PCA3: variants seen among roughly 807,000 people sequenced by gnomAD.
The protein encoded by PCA3 is prostate cancer associated 3, also known as Differential Display code 3.
chr9:76,775,470 T>C (rs557672454), intron 2 of PCA3, among the ~76,000 whole-genome samples: 1 of 134,750 alleles, frequency 7.4e-6, no homozygotes. Context: ...CTAATTTTTG[T>C]GGTTTTTTTT....
At chr9:76,779,232 CTTTT>C (rs5898506) in intron 2 of PCA3, among the ~76,000 whole-genome samples, 5 of 144,850 alleles carry the variant, frequency 3.5e-5, no homozygotes, top group African/African-American at 1.3e-4. Context: ...AAAACTTAGA[CTTTT>C]TTTTTTTTTT....
At chr9:76,767,619 ACCTT>A (rs1175232554) in intron 2 of PCA3, among the ~76,000 whole-genome samples, 2 of 151,976 alleles carry the variant, frequency 1.3e-5, no homozygotes, top group East Asian at 1.9e-4. Flanking sequence ...TTGTTTCCCT[ACCTT>A]CTTTGTTGAC....
At chr9:76,774,318 T>G (rs1344348382) in intron 2 of PCA3, among the ~76,000 whole-genome samples, 1 of 151,858 alleles carries the variant, frequency 6.6e-6, no homozygotes, top group East Asian at 1.9e-4. Context: ...TGTATTTTTT[T>G]GTAAAGATGG....
intron 2 of PCA3, among the ~76,000 whole-genome samples, chr9:76,766,017 C>A (rs2052335033): frequency 6.6e-6 from 1 of 151,852 alleles, no homozygotes; most frequent in South Asian, 2.1e-4. Context: ...CCCGTCTCTA[C>A]TAAAAATACA....
intron 2 of PCA3, among the ~76,000 whole-genome samples, chr9:76,771,956 T>C (rs2053160460): frequency 6.6e-6 from 1 of 152,196 alleles, no homozygotes. Flanking sequence ...TGGGACTCAG[T>C]GGGTTCATGA....
intron 2 of PCA3, among the ~76,000 whole-genome samples, chr9:76,766,227 A>C (rs1015238047): frequency 2.0e-5 from 3 of 151,774 alleles, no homozygotes; most frequent in Non-Finnish European, 4.4e-5. Context: ...AAGTAAATGC[A>C]ATATCATTTT....
intron 2 of PCA3, among the ~76,000 whole-genome samples, chr9:76,773,837 T>C (rs2053401211): frequency 6.6e-6 from 1 of 152,170 alleles, no homozygotes; most frequent in Non-Finnish European, 1.5e-5. Flanking sequence ...GAAACTTACT[T>C]AGGAGACCCC....
intron 2 of PCA3, among the ~76,000 whole-genome samples, chr9:76,782,075 G>A (rs1450200935): frequency 3.3e-5 from 5 of 152,242 alleles, no homozygotes; most frequent in South Asian, 4.1e-4. Context: ...TTAGCCCAGC[G>A]TGGTGGTGGG....
intron 2 of PCA3, among the ~76,000 whole-genome samples, chr9:76,774,286 C>T (rs965093615): frequency 1.3e-5 from 2 of 151,570 alleles, no homozygotes; most frequent in African/African-American, 4.9e-5. Flanking sequence ...CAGGTGTGCA[C>T]CACCATGCCC....
At chr9:76,776,821 T>TA in intron 2 of PCA3, among the ~76,000 whole-genome samples, 1 of 117,196 alleles carries the variant, frequency 8.5e-6, no homozygotes, top group South Asian at 2.3e-4. Flanking sequence ...CAGCCAGCAG[T>TA]TTTTTTTTTT....
At chr9:76,774,137 T>TA (rs1414196490) in intron 2 of PCA3, among the ~76,000 whole-genome samples, 2 of 152,128 alleles carry the variant, frequency 1.3e-5, no homozygotes, top group African/African-American at 4.8e-5. Context: ...TTTTTAATTT[T>TA]AAAAAAATAT....
At chr9:76,766,144 C>T (rs2052356142) in intron 2 of PCA3, among the ~76,000 whole-genome samples, 2 of 149,400 alleles carry the variant, frequency 1.3e-5, no homozygotes, top group South Asian at 4.3e-4. Context: ...GATTGCGCCA[C>T]TGCACTCTAG....
At chr9:76,765,380 C>T (rs12351780) in intron 2 of PCA3, among the ~76,000 whole-genome samples, 1,829 of 152,160 alleles carry the variant, frequency 0.012, 33 homozygotes, top group African/African-American at 0.041. Flanking sequence ...GTAAATAGTC[C>T]TTATATTTGA....
At chr9:76,764,968 T>C (rs1212942052) in intron 2 of PCA3, among the ~76,000 whole-genome samples, 1 of 152,248 alleles carries the variant, frequency 6.6e-6, no homozygotes, top group Admixed American at 6.5e-5. Flanking sequence ...AGAAGAATGA[T>C]GCAGAGCAGA....
Position 76,777,823 on chromosome 9 carries a change from G to A in PCA3, n.853-30760G>A, listed in dbSNP as rs2053964489. On this transcript the variant is annotated intron_variant and non_coding_transcript_variant, in intron 2 of 5. Coordinates refer to ENST00000644657, the Ensembl canonical transcript of PCA3. ...AGATGTCACCATTTACATGACATTT[G>A]AGCAGAGAATTGAAATAAGTTCAGG... Among the ~76,000 whole-genome samples, 3 of 152,286 alleles carry A rather than the reference G, an allele frequency of 2.0e-5. No individual in the cohort carries two copies. In the South Asian group the frequency reaches 6.2e-4, roughly 32 times the overall value.
intron 2 of PCA3, among the ~76,000 whole-genome samples, chr9:76,776,990 T>C (rs1369782467): frequency 6.7e-6 from 1 of 149,398 alleles, no homozygotes; most frequent in Non-Finnish European, 1.5e-5. Flanking sequence ...TTCTCGGCAC[T>C]CCTAAACTGT....
At chr9:76,785,024 G>C (rs529601740) in intron 2 of PCA3, 9 of 151,778 alleles carry the variant, frequency 5.9e-5, no homozygotes, top group Non-Finnish European at 1.0e-4. Flanking sequence ...CCTCCCCTTT[G>C]TTTGATTTTT....
At chr9:76,776,910 A>ACACC (rs1357019432) in intron 2 of PCA3, among the ~76,000 whole-genome samples, 1 of 147,046 alleles carries the variant, frequency 6.8e-6, no homozygotes, top group Admixed American at 6.9e-5. Flanking sequence ...ACACACACAC[A>ACACC]CACACACACA....
chr9:76,780,235 G>A (rs965654330), intron 2 of PCA3, among the ~76,000 whole-genome samples: 1 of 152,084 alleles, frequency 6.6e-6, no homozygotes, highest in African/African-American at 2.4e-5. Context: ...TTGATTATCA[G>A]CCAGTAAACT....
Sources: gnomAD v4.1 joint callset for allele counts (sites outside exome capture counted in the v4.1 genomes callset) on GRCh38, gnomAD v4.1.1 for gene constraint, MANE v1.5 for transcripts, NCBI Gene and HGNC (gene_info 2026-07-23, HGNC 2026-07-21) for gene names.